BCL2L14: variants seen among roughly 807,000 people sequenced by gnomAD.
BCL2L14 encodes the protein BCL2 like 14.
BCL2L14 carries 27 observed loss-of-function variants against 35.3 expected under a neutral mutation model. The ratio of observed to expected loss-of-function variants is 0.76; its 90% CI spans 0.56 to 1.05. The LOEUF (loss-of-function observed/expected upper bound fraction) is 1.05. Ranked by LOEUF, BCL2L14 falls within the 50% of genes least tolerant of loss-of-function variation. The probability of loss-of-function intolerance (pLI) is 0.00; values close to 1 mark genes in which losing one functional copy is unlikely to be tolerated. For missense variants in BCL2L14, 377 were observed against 382.6 expected (o/e 0.99, Z 0.12); for synonymous variants, 139 against 145.9 (o/e 0.95, Z 0.34).
intron 2 of BCL2L14, among the ~76,000 whole-genome samples, chr12:12,060,329 G>A (rs1359244393): frequency 7.9e-6 from 1 of 127,022 alleles, no homozygotes; most frequent in African/African-American, 3.1e-5. Context: ...AAAAAACCCA[G>A]CCCAGTTCAT....
chr12:12,068,301 T>G (rs114411105), upstream of BCL2L14: 534 of 397,374 alleles, frequency 1.3e-3, 4 homozygotes, highest in African/African-American at 0.01. Context: ...GTTATGTAAC[T>G]CAGAACTCCA....
intron 2 of BCL2L14, among the ~76,000 whole-genome samples, chr12:12,081,572 T>C (rs998625651): frequency 1.4e-5 from 2 of 139,268 alleles, no homozygotes; most frequent in African/African-American, 5.3e-5. Flanking sequence ...TTTTTTAAGG[T>C]GTTTTAGATG....
intron 2 of BCL2L14, among the ~76,000 whole-genome samples, chr12:12,058,864 A>T (rs1019325870): frequency 6.6e-6 from 1 of 152,182 alleles, no homozygotes; most frequent in African/African-American, 2.4e-5. Flanking sequence ...CGTGAGAAAG[A>T]TCCACCTATG....
chr12:12,068,230 C>A (rs568931935), upstream of BCL2L14: 12 of 398,462 alleles, frequency 3.0e-5, no homozygotes, highest in East Asian at 4.3e-4. Context: ...CAGGTATGAG[C>A]CACTGTGCAT....
chr12:12,060,117 G>A (rs183974157), intron 2 of BCL2L14, among the ~76,000 whole-genome samples: 11 of 151,146 alleles, frequency 7.3e-5, no homozygotes, highest in African/African-American at 2.7e-4. Flanking sequence ...TTCTTCCTCA[G>A]CCTCTGCTCC....
intron 1 of BCL2L14, among the ~76,000 whole-genome samples, chr12:12,074,339 G>C (rs992946352): frequency 6.6e-6 from 1 of 152,174 alleles, no homozygotes. Context: ...CTAGGTGCTG[G>C]GGAAGCCAGC....
At chr12:12,053,865 C>T (rs755567743) in intron 2 of BCL2L14, among the ~76,000 whole-genome samples, 1 of 152,202 alleles carries the variant, frequency 6.6e-6, no homozygotes, top group Non-Finnish European at 1.5e-5. Flanking sequence ...TAAGCCAGGT[C>T]TCTCCCATTC....
At chr12:12,097,006 T>G (rs2961551) in intron 5 of BCL2L14, among the ~76,000 whole-genome samples, 3 of 151,952 alleles carry the variant, frequency 2.0e-5, no homozygotes, top group African/African-American at 7.3e-5. Context: ...TAGCCGGGCA[T>G]GGTGGCAGGT....
At chr12:12,077,097 A>AC (rs1948797175) in intron 1 of BCL2L14, among the ~76,000 whole-genome samples, 1 of 152,186 alleles carries the variant, frequency 6.6e-6, no homozygotes, top group Non-Finnish European at 1.5e-5. Context: ...TCCTGGTATG[A>AC]CAAGGTACAG....
intron 2 of BCL2L14, among the ~76,000 whole-genome samples, chr12:12,052,488 C>T (rs939809013): frequency 1.3e-5 from 2 of 152,214 alleles, no homozygotes; most frequent in African/African-American, 4.8e-5. Context: ...CTTTCTGTGC[C>T]TGGCTTATTT....
chr12:12,095,586 A>G (rs1949297492), intron 5 of BCL2L14: 1 of 985,226 alleles, frequency 1.0e-6, no homozygotes, highest in African/African-American at 1.7e-5. Context: ...CACCGTGTCA[A>G]AATGTACTAC....
At chr12:12,096,409 C>T (rs1405478965) in intron 5 of BCL2L14, among the ~76,000 whole-genome samples, 1 of 136,624 alleles carries the variant, frequency 7.3e-6, no homozygotes, top group Non-Finnish European at 1.5e-5. Flanking sequence ...TTTGTGCTTC[C>T]AAGAACACCA....
intron 1 of BCL2L14, among the ~76,000 whole-genome samples, chr12:12,073,921 T>C (rs889790406): frequency 1.3e-5 from 2 of 152,162 alleles, no homozygotes; most frequent in Non-Finnish European, 1.5e-5. Flanking sequence ...CCCTGCTTGG[T>C]GGCCCGCTTT....
chr12:12,079,885 T>C, intron 2 of BCL2L14, 147 bp downstream of exon 2: 1 of 853,638 alleles, frequency 1.2e-6, no homozygotes. Flanking sequence ...TGTTCAATCA[T>C]AATTGCCCTG....
chr12:12,090,735 T>A (rs1235792432), intron 3 of BCL2L14, 44 bp from the exon 4 acceptor site: 4 of 1,518,606 alleles, frequency 2.6e-6, no homozygotes, highest in Non-Finnish European at 3.6e-6. Flanking sequence ...GTAAGATTAT[T>A]TTTTGCTTCT....
At chr12:12,055,843 T>A (rs1283096290) in intron 2 of BCL2L14, 3 of 152,312 alleles carry the variant, frequency 2.0e-5, no homozygotes, top group Admixed American at 2.0e-4. Flanking sequence ...CACCCTTTCA[T>A]ATTTGTGTTT....
chr12:12,051,672 T>A (rs1948359488), intron 1 of BCL2L14: 4 of 152,198 alleles, frequency 2.6e-5, no homozygotes, highest in South Asian at 4.1e-4. Context: ...CTAAGATAAA[T>A]AGTCCACATT....
intron 1 of BCL2L14, among the ~76,000 whole-genome samples, chr12:12,073,395 G>A (rs1181704771): frequency 6.6e-6 from 1 of 151,982 alleles, no homozygotes; most frequent in Admixed American, 6.6e-5. Context: ...CAGCCTTTCT[G>A]GCCTGTAAGA....
chr12:12,068,186 C>T, upstream of BCL2L14: 1 of 398,608 alleles, frequency 2.5e-6, no homozygotes, highest in Non-Finnish European at 4.4e-6. Flanking sequence ...CACAGTCTGT[C>T]CTCCTGCCTC....
Sources: allele counts gnomAD v4.1 joint callset (sites outside exome capture counted in the v4.1 genomes callset), GRCh38; gene constraint gnomAD v4.1.1; transcripts MANE v1.5; gene names NCBI Gene and HGNC (gene_info 2026-07-23, HGNC 2026-07-21).